The following MACC1 variants were observed in gnomAD, a reference collection of about 807,000 sequenced individuals.
The protein encoded by MACC1 is metastasis-associated in colon cancer protein 1.
In MACC1, 79 loss-of-function variants were observed where a neutral mutation model predicts 70.7. That is an observed-to-expected ratio of 1.12 (90% CI 0.93 to 1.35). The LOEUF (loss-of-function observed/expected upper bound fraction) is 1.35. Ranked by LOEUF, MACC1 falls within the 40% of genes most tolerant of loss-of-function variation. The pLI is 0.00. For synonymous variants in MACC1, 361 were observed against 347.2 expected (o/e 1.04, Z -0.44); for missense variants, 1,106 against 978.1 (o/e 1.13, Z -1.74).
intron 1 of MACC1, among the ~76,000 whole-genome samples, chr7:20,186,446 T>C (rs1437208847): frequency 6.6e-6 from 1 of 152,156 alleles, no homozygotes; most frequent in African/African-American, 2.4e-5. Flanking sequence ...GTATGGCTTT[T>C]GTCATAATAG....
intron 1 of MACC1, among the ~76,000 whole-genome samples, chr7:20,206,648 C>T (rs1473088563): frequency 2.0e-5 from 3 of 152,212 alleles, no homozygotes; most frequent in Non-Finnish European, 4.4e-5. Context: ...GGATTGCTGA[C>T]TTGCACATCT....
rs1782025979 is a variant in MACC1, at chr7:20,154,381, C to T, written c.2158G>A (p.Ala720Thr). 4 of 1,611,388 alleles carry T rather than the reference C, an allele frequency of 2.5e-6. No homozygotes were observed. The highest frequency in any genetic ancestry group is 3.4e-6 in the Non-Finnish European group (4 of 1,178,386). ...TCTTGGCAATCCATTTTCAGAAGAG[C>T]CTGCAGCAACAATTACATGTCACAA... is the stretch of plus-strand genomic sequence containing the variant. ...TRKFLYELIV[A>T]LLKMDCQELV... is the part of the protein sequence containing the mutation. The change falls in exon 6 of 7, where the codon GCT becomes ACT. Residue 720 changes from alanine (A) to threonine (T), a missense_variant and splice_region_variant. Transcript: ENST00000400331.
Position 20,139,376 on chromosome 7 carries a change from C to T in MACC1, c.*1570G>A, listed in dbSNP as rs758563681. 2.0e-5 allele frequency: 3 copies of T among 152,142 alleles called. No homozygotes were observed. The highest frequency in any genetic ancestry group is 2.9e-5 in the Non-Finnish European group (2 of 68,042). 9.4% of individuals were successfully genotyped at this position (152,142 alleles called of 1,614,324 possible). A position where few individuals can be genotyped will look rare whatever the true frequency, so the allele number is the denominator to read the frequency against. ...CTTCCTTGAGGTTCATTATTTCTTT[C>T]CAAGAACAAATTTCCCTGACCCACC... On this transcript the variant is annotated 3_prime_UTR_variant, in exon 7 of 7. Transcript: ENST00000400331.
chr7:20,181,309 A>C (rs956839306), intron 1 of MACC1, among the ~76,000 whole-genome samples: 1 of 152,120 alleles, frequency 6.6e-6, no homozygotes, highest in Non-Finnish European at 1.5e-5. Context: ...CTTTGTAACA[A>C]GCATTATATT....
At chr7:20,153,857 G>A (rs1782016265) in intron 6 of MACC1, among the ~76,000 whole-genome samples, 1 of 152,066 alleles carries the variant, frequency 6.6e-6, no homozygotes, top group East Asian at 1.9e-4. Context: ...ACTTGATCCT[G>A]TCTCCCACCT....
At chr7:20,195,412 G>C (rs936731456) in intron 1 of MACC1, among the ~76,000 whole-genome samples, 1 of 152,198 alleles carries the variant, frequency 6.6e-6, no homozygotes, top group Admixed American at 6.5e-5. Context: ...CTTCAAAGGA[G>C]GAGGGTTTAG....
At chr7:20,142,837 A>G (rs1420348384) in intron 6 of MACC1, among the ~76,000 whole-genome samples, 1 of 152,230 alleles carries the variant, frequency 6.6e-6, no homozygotes, top group Non-Finnish European at 1.5e-5. Flanking sequence ...TGCTCAACGA[A>G]CTGGTTCAAA....
Position 20,159,942 on chromosome 7 carries a change from A to T in MACC1, c.419T>A (p.Val140Asp), listed in dbSNP as rs573100953. Residue 140 changes from valine to aspartate, a missense_variant, in exon 5 of 7, where the codon GTT (valine) becomes GAT (aspartate). Coordinates refer to ENST00000400331, the MANE Select transcript of MACC1 (RefSeq NM_182762.4). ...SSRNSGRSKS[V>D]SELLDILDDT... ...GTCTAAAATGTCCAGAAGTTCTGAAACACTTTTAGATCTTCCAGAATTTCT... is the reference window on the plus strand; with the variant it reads ...GTCTAAAATGTCCAGAAGTTCTGAATCACTTTTAGATCTTCCAGAATTTCT... 8.7e-6 allele frequency: 14 copies of T among 1,614,144 alleles called. No individual in the cohort carries two copies. In the South Asian group the frequency reaches 1.5e-4, roughly 18 times the overall value.
intron 1 of MACC1, among the ~76,000 whole-genome samples, chr7:20,198,162 C>T (rs1441449553): frequency 6.6e-6 from 1 of 152,072 alleles, no homozygotes; most frequent in East Asian, 1.9e-4. Flanking sequence ...TCTGGAGATC[C>T]CTGAGGGCAT....
chr7:20,187,049 T>G (rs969401175), intron 1 of MACC1, among the ~76,000 whole-genome samples: 2 of 152,160 alleles, frequency 1.3e-5, no homozygotes, highest in Non-Finnish European at 2.9e-5. Flanking sequence ...AACTCACAAT[T>G]TTTTGAATTT....
intron 1 of MACC1, among the ~76,000 whole-genome samples, chr7:20,192,179 C>A (rs943297443): frequency 3.9e-5 from 6 of 152,082 alleles, no homozygotes; most frequent in African/African-American, 1.2e-4. Context: ...CATGTTAATG[C>A]TCTACTTATA....
rs973450573 is a variant in MACC1 at position 20,158,884 on chromosome 7, T to C, written c.1477A>G (p.Asn493Asp). Residue 493 changes from asparagine to aspartate, a missense_variant, in exon 5 of 7, where the codon AAT becomes GAT. Asn to Asp is a conservative substitution (Grantham distance 23). Transcript: ENST00000400331. ...FDFCVQVEPP[N>D]GEPVAQFSIT... Reference sequence around the variant, plus strand: ...GAGAACTGTGCAACTGGTTCACCATTGGGAGGCTCCACTTGAACACAAAAA... The same window carrying C: ...GAGAACTGTGCAACTGGTTCACCATCGGGAGGCTCCACTTGAACACAAAAA... 3 of 1,614,100 alleles carry C rather than the reference T, an allele frequency of 1.9e-6. No homozygotes were observed. The highest frequency in any genetic ancestry group is 2.5e-6 in the Non-Finnish European group (3 of 1,180,018).
At chr7:20,181,905 A>T (rs1782515039) in intron 1 of MACC1, among the ~76,000 whole-genome samples, 1 of 152,200 alleles carries the variant, frequency 6.6e-6, no homozygotes, top group African/African-American at 2.4e-5. Flanking sequence ...GATTATTAGA[A>T]CTAATGAGAA....
intron 1 of MACC1, among the ~76,000 whole-genome samples, chr7:20,191,382 C>T (rs113733601): frequency 2.6e-5 from 4 of 152,204 alleles, no homozygotes; most frequent in African/African-American, 9.6e-5. Context: ...TGGATGGGTG[C>T]CAAGCAATAG....
Position 20,141,108 on chromosome 7 carries a change from A to G in MACC1, c.2397T>C (p.Tyr799=). Residue 799 remains tyrosine, a synonymous_variant, in exon 7 of 7, where the codon TAT becomes TAC. Transcript: ENST00000400331. The part of the protein sequence containing the change: ...YDFLYTWSAH[Y]GNNYRDVLQD... ...GTAACACATCTCTGTAGTTATTTCC[A>G]TAGTGAGCACTCCAGGTATACAGAA... is the stretch of plus-strand genomic sequence containing the variant. The G allele has an allele frequency of 6.2e-7, 1 of 1,612,868 alleles. No individual in the cohort carries two copies. Among genetic ancestry groups the G allele is most frequent in the Non-Finnish European group, 8.5e-7 (1 of 1,179,606 alleles).
chr7:20,164,925 G>A (rs1174213163), intron 2 of MACC1, among the ~76,000 whole-genome samples: 1 of 151,034 alleles, frequency 6.6e-6, no homozygotes, highest in Non-Finnish European at 1.5e-5. Flanking sequence ...AGCAAAATGA[G>A]CAATATGTAC....
rs894775666 is a variant in MACC1 at position 20,158,208 on chromosome 7, A to G, written c.2153T>C (p.Ile718Thr). The G allele has an allele frequency of 8.3e-6, 13 of 1,567,628 alleles. No individual in the cohort carries two copies. The highest frequency in any genetic ancestry group is 2.2e-5 in the East Asian group (1 of 44,728). The change falls in exon 5 of 7, where the codon ATT becomes ACT. Residue 718 changes from isoleucine (I) to threonine (T), a missense_variant. Coordinates refer to ENST00000400331, the MANE Select transcript of MACC1 (RefSeq NM_182762.4). Reference sequence around the variant, plus strand: ...CCATGATCAAGCAATACTCACCACAATAAGTTCATACAGAAACTTCCTTGT... The same window carrying G: ...CCATGATCAAGCAATACTCACCACAGTAAGTTCATACAGAAACTTCCTTGT... ...RNTRKFLYEL[I>T]VALLKMDCQE...
intron 1 of MACC1, among the ~76,000 whole-genome samples, chr7:20,180,099 G>C (rs1782478416): frequency 1.3e-5 from 2 of 152,126 alleles, no homozygotes; most frequent in Non-Finnish European, 2.9e-5. Context: ...GCCTTGTTCA[G>C]GAGAGAATAT....
intron 1 of MACC1, among the ~76,000 whole-genome samples, chr7:20,185,250 T>C (rs141543095): frequency 1.3e-5 from 2 of 152,342 alleles, no homozygotes; most frequent in African/African-American, 4.8e-5. Flanking sequence ...ATCCCAGCCA[T>C]TTCTGCTTTG....
Sources: gnomAD v4.1 joint callset for allele counts (sites outside exome capture counted in the v4.1 genomes callset) on GRCh38, gnomAD v4.1.1 for gene constraint, MANE v1.5 for transcripts, NCBI Gene and HGNC (gene_info 2026-07-23, HGNC 2026-07-21) for gene names.